The following SNRPN variants were observed in gnomAD, a reference collection of about 807,000 sequenced individuals.
SNRPN encodes the protein small nuclear ribonucleoprotein-associated protein N.
SNRPN carries 7 observed loss-of-function variants against 25.2 expected under a neutral mutation model. That is an observed-to-expected ratio of 0.28 (90% confidence interval 0.16 to 0.52). The LOEUF (loss-of-function observed/expected upper bound fraction) is 0.52. Among genes scored for constraint, SNRPN ranks in the 20% least tolerant of loss-of-function variants. The probability of loss-of-function intolerance (pLI) is 0.96; values close to 1 mark genes in which losing one functional copy is unlikely to be tolerated. For synonymous variants in SNRPN, 124 were observed against 110.6 expected (o/e 1.12, Z -0.76); for missense variants, 196 against 322.5 (o/e 0.61, Z 3.00).
At chr15:24,845,836 G>A (rs958477140) in intron 2 of SNRPN, among the ~76,000 whole-genome samples, 57 of 152,096 alleles carry the variant, frequency 3.7e-4, no homozygotes, top group African/African-American at 1.4e-3. Context: ...TGTAATCCCA[G>A]CACTTTGGGA....
chr15:24,825,445 T>C (rs897181710), intron 1 of SNRPN, among the ~76,000 whole-genome samples: 2 of 152,068 alleles, frequency 1.3e-5, no homozygotes, highest in Non-Finnish European at 2.9e-5. Context: ...TTATTCTTCA[T>C]TGATGAGAGT....
chr15:24,970,836 T>A (rs905665294), intron 3 of SNRPN, among the ~76,000 whole-genome samples: 4 of 152,212 alleles, frequency 2.6e-5, no homozygotes, highest in Admixed American at 2.6e-4. Context: ...AATAAACCTT[T>A]CCAATAAAGG....
At chr15:24,918,609 ATAATATATATGTGTG>A (rs1190252476) in intron 2 of SNRPN, among the ~76,000 whole-genome samples, 408 of 99,192 alleles carry the variant, frequency 4.1e-3, no homozygotes, top group Middle Eastern at 0.01. Flanking sequence ...TATATATAAC[ATAATATATATGTGTG>A]TATATATAAC....
rs527743382 is a variant in SNRPN, at chr15:24,840,083, C to T, written c.-579+10178C>T. ...ATTTAAAAGAGGGATATAGGCCGGGCGTGGTGGCTCATGCCTGTAATCCCA... is the reference window on the plus strand; with the variant it reads ...ATTTAAAAGAGGGATATAGGCCGGGTGTGGTGGCTCATGCCTGTAATCCCA... On this transcript the variant is annotated intron_variant, in intron 2 of 12. Transcript: ENST00000400100. Among the ~76,000 whole-genome samples the T allele has an allele frequency of 6.6e-5, 10 of 152,250 alleles. No homozygotes were observed. In the South Asian group the frequency reaches 2.1e-3, roughly 32 times the overall value.
intron 1 of SNRPN, among the ~76,000 whole-genome samples, chr15:24,860,029 C>G (rs940843220): frequency 6.6e-6 from 1 of 152,174 alleles, no homozygotes; most frequent in African/African-American, 2.4e-5. Context: ...ACTTAAAATG[C>G]CTTAACCATC....
At chr15:24,926,026 G>A (rs529810921) in intron 3 of SNRPN, among the ~76,000 whole-genome samples, 1 of 152,078 alleles carries the variant, frequency 6.6e-6, no homozygotes, top group Non-Finnish European at 1.5e-5. Context: ...GAGCCACCGT[G>A]CCCGGCCCAC....
rs113687887 is a variant in SNRPN, at chr15:24,900,283, A to G, written c.-505+13694A>G. ...CCTGAGAACTTCCATGGCGACTATAAAGGAAATTCATTTGTTGTAGCTGCA... is the reference window on the plus strand; with the variant it reads ...CCTGAGAACTTCCATGGCGACTATAGAGGAAATTCATTTGTTGTAGCTGCA... On this transcript the variant is annotated intron_variant, in intron 2 of 11. Transcript: ENST00000400097. 9.9e-3 allele frequency among the ~76,000 whole-genome samples: 1,515 copies of G among 152,312 alleles called. 39 individuals carry two copies. The highest frequency in any genetic ancestry group is 0.035 in the African/African-American group (1,434 of 41,556).
chr15:24,926,055 G>A (rs943537728), intron 3 of SNRPN, among the ~76,000 whole-genome samples: 1 of 151,962 alleles, frequency 6.6e-6, no homozygotes, highest in African/African-American at 2.4e-5. Context: ...AAATCTTTTT[G>A]TAGAGATGGG....
chr15:24,825,022 T>C (rs892082351), intron 1 of SNRPN, among the ~76,000 whole-genome samples: 3 of 152,060 alleles, frequency 2.0e-5, no homozygotes, highest in African/African-American at 7.3e-5. Flanking sequence ...AATCTTATGG[T>C]CTAAAAGCGA....
intron 2 of SNRPN, chr15:24,966,920 T>G (rs548277804): frequency 6.6e-6 from 1 of 152,190 alleles, no homozygotes; most frequent in African/African-American, 2.4e-5. Flanking sequence ...GGTTACTGAT[T>G]CATAGGGGTA....
intron 2 of SNRPN, among the ~76,000 whole-genome samples, chr15:24,888,518 G>T (rs1191957235): frequency 2.0e-5 from 3 of 152,196 alleles, no homozygotes; most frequent in African/African-American, 7.2e-5. Context: ...TGTAAGGAAA[G>T]AAGTACATTT....
rs549504134 is a variant in SNRPN at position 24,863,862 on chromosome 15, T to C, written c.-579+7146T>C. Among the ~76,000 whole-genome samples, 7 of 150,868 alleles carry C rather than the reference T, an allele frequency of 4.6e-5. 1 individual carries two copies. Among genetic ancestry groups the C allele is most frequent in the African/African-American group, 1.7e-4 (7 of 40,352 alleles). ...TCATTTGAAAATTCCAGTTACTTTA[T>C]CTTTTACTTAGCTTTCACTTTATTT... is the stretch of plus-strand genomic sequence containing the variant. On this transcript the variant is annotated intron_variant, in intron 1 of 11. Coordinates refer to the SNRPN transcript ENST00000400097.
At chr15:24,909,849 C>T (rs2059099683) in intron 2 of SNRPN, 3 of 920,500 alleles carry the variant, frequency 3.3e-6, no homozygotes. Context: ...GACCCGCGTC[C>T]ACAGCTCAAC....
chr15:24,883,377 C>T (rs1309747766), intron 1 of SNRPN, among the ~76,000 whole-genome samples: 16 of 124,872 alleles, frequency 1.3e-4, no homozygotes, highest in Non-Finnish European at 3.6e-5. Flanking sequence ...ATAGAAAGGT[C>T]ATCTGGCTGT....
At chr15:24,967,534 C>T (rs1346695791) in intron 2 of SNRPN, among the ~76,000 whole-genome samples, 1 of 151,592 alleles carries the variant, frequency 6.6e-6, no homozygotes. Flanking sequence ...CTCAGCTACT[C>T]GGGAGGCTGA....
At chr15:24,908,696 G>T (rs968730072) in intron 2 of SNRPN, among the ~76,000 whole-genome samples, 2 of 151,796 alleles carry the variant, frequency 1.3e-5, no homozygotes, top group Non-Finnish European at 2.9e-5. Context: ...AAAGTTACAA[G>T]TTTTTTTCTA....
chr15:24,830,967 A>G (rs2050463722), intron 2 of SNRPN, among the ~76,000 whole-genome samples: 4 of 151,990 alleles, frequency 2.6e-5, no homozygotes, highest in African/African-American at 4.8e-5. Flanking sequence ...GAGTTCAACT[A>G]TGTCCTTACT....
At chr15:24,963,689 T>A (rs1456273823) in intron 2 of SNRPN, among the ~76,000 whole-genome samples, 1 of 152,130 alleles carries the variant, frequency 6.6e-6, no homozygotes, top group Non-Finnish European at 1.5e-5. Flanking sequence ...AGGTTTTTCC[T>A]CATAGTAAAA....
At chr15:24,899,399 A>G (rs1284073705) in intron 2 of SNRPN, among the ~76,000 whole-genome samples, 1 of 152,234 alleles carries the variant, frequency 6.6e-6, no homozygotes, top group Non-Finnish European at 1.5e-5. Flanking sequence ...ACCCTTAAAA[A>G]TATATTGTGT....
Sources: gnomAD v4.1 joint callset for allele counts (sites outside exome capture counted in the v4.1 genomes callset) on GRCh38, gnomAD v4.1.1 for gene constraint, MANE v1.5 for transcripts, NCBI Gene and HGNC (gene_info 2026-07-23, HGNC 2026-07-21) for gene names.